PXDNL: variants seen among roughly 807,000 people sequenced by gnomAD.
The protein encoded by PXDNL is peroxidasin like.
A neutral mutation model predicts 150.8 loss-of-function variants in PXDNL; 145 were observed. The observed-to-expected ratio is 0.96, with a 90% confidence interval of 0.84 to 1.10. PXDNL has a LOEUF of 1.10. Among genes scored for constraint, PXDNL ranks in the 50% least tolerant of loss-of-function variants. PXDNL has a pLI of 0.00. For synonymous variants in PXDNL, 757 were observed against 725.7 expected, an observed-to-expected ratio of 1.04 and a Z score of -0.69; for missense variants, 2,087 against 1,873.9, an observed-to-expected ratio of 1.11 and a Z score of -2.10.
Position 51,695,414 on chromosome 8 carries a change from A to G in PXDNL, c.165-40654T>C, listed in dbSNP as rs138895576. 5.0e-3 allele frequency among the ~76,000 whole-genome samples: 758 copies of G among 152,266 alleles called. 3 individuals carry two copies. Among genetic ancestry groups the G allele is most frequent in the African/African-American group, 0.017 (711 of 41,566 alleles). Reference sequence around the variant, plus strand: ...GCACATATTAGGTTCCCATCTTATCATTATTATTACCAATTATATCAGGGA... The same window carrying G: ...GCACATATTAGGTTCCCATCTTATCGTTATTATTACCAATTATATCAGGGA... On this transcript the variant is annotated intron_variant, in intron 1 of 22. Coordinates refer to ENST00000356297, the MANE Select transcript of PXDNL (RefSeq NM_144651.5).
chr8:51,337,342 G>C (rs865787590), intron 21 of PXDNL, among the ~76,000 whole-genome samples: 1 of 152,200 alleles, frequency 6.6e-6, no homozygotes, highest in African/African-American at 2.4e-5. Flanking sequence ...TGAAAAAATA[G>C]TTTGTTGAGT....
At chr8:51,504,937 T>C (rs564251555) in intron 4 of PXDNL, among the ~76,000 whole-genome samples, 2 of 152,352 alleles carry the variant, frequency 1.3e-5, no homozygotes, top group East Asian at 1.9e-4. Context: ...TTACATTTCC[T>C]TGGGGAAGAA....
At position 51,483,646 on chromosome 8, in the gene PXDNL, CT is replaced by C; in HGVS notation, c.520del (p.Arg174AspfsTer15). The C allele has an allele frequency of 1.3e-6, 2 of 1,510,632 alleles. No individual in the cohort carries two copies. The highest frequency in any genetic ancestry group is 1.8e-6 in the Non-Finnish European group (2 of 1,113,864). The allele number at this position is 1,510,632 out of a possible 1,614,324, so 93.6% of individuals were successfully genotyped here. A position where few individuals can be genotyped will look rare whatever the true frequency, so the allele number is the denominator to read the frequency against. ...GSFSNLDSLK[R>X]LRLDSNALVC... ...TAATGCACTTGCTTTCACTTACAATCTTTTTAATGAATCCAGATTAGAAAAG... is the reference window on the plus strand; with the variant it reads ...TAATGCACTTGCTTTCACTTACAATCTTTTAATGAATCCAGATTAGAAAAG... On this transcript the variant is annotated frameshift_variant, in exon 6 of 23. Coordinates refer to ENST00000356297, the MANE Select transcript of PXDNL (RefSeq NM_144651.5). LOFTEE classifies it high-confidence loss of function.
chr8:51,465,153 A>G (rs1394168340), intron 8 of PXDNL, among the ~76,000 whole-genome samples: 3 of 152,182 alleles, frequency 2.0e-5, no homozygotes, highest in Non-Finnish European at 4.4e-5. Flanking sequence ...CAAAATCCTC[A>G]ACAAAATGCT....
intron 21 of PXDNL, among the ~76,000 whole-genome samples, chr8:51,332,133 T>C (rs978573110): frequency 1.3e-5 from 2 of 152,020 alleles, no homozygotes; most frequent in Non-Finnish European, 2.9e-5. Flanking sequence ...GAGAGACCCA[T>C]AGAGAGTTCA....
At chr8:51,798,821 C>A (rs1050587207) in intron 1 of PXDNL, among the ~76,000 whole-genome samples, 1 of 152,044 alleles carries the variant, frequency 6.6e-6, no homozygotes, top group African/African-American at 2.4e-5. Context: ...ACCCAGCAAT[C>A]CCATTACTGG....
rs767294627 is a variant in PXDNL at position 51,809,182 on chromosome 8, G to T, written c.163C>A (p.Leu55Ile). 6.2e-7 allele frequency: 1 copy of T among 1,613,642 alleles called. No individual in the cohort carries two copies. The highest frequency in any genetic ancestry group is 8.5e-7 in the Non-Finnish European group (1 of 1,179,786). ...TCTGGGGAATTTATGTGAACTTACA[G>T]AACTGTGGTCTGCTGTGGTACCTGA... The part of the protein sequence containing the change: ...IPQVPQQTTV[L>I]DLRFNRIREI... Residue 55 changes from leucine (L) to isoleucine (I), a missense_variant and splice_region_variant, in exon 1 of 23, where the codon CTA becomes ATA. Transcript: ENST00000356297.
chr8:51,587,953 T>C (rs910239025), intron 3 of PXDNL, among the ~76,000 whole-genome samples: 8 of 151,942 alleles, frequency 5.3e-5, no homozygotes, highest in Non-Finnish European at 7.4e-5. Context: ...ATTTAACAAA[T>C]AGATGAGAAA....
In PXDNL at chr8:51,634,773, C is replaced by T. The variant is rs187969815; in HGVS notation, c.236+19916G>A. 1.3e-3 allele frequency among the ~76,000 whole-genome samples: 200 copies of T among 152,038 alleles called. 2 individuals are homozygous for T. Among genetic ancestry groups the T allele is most frequent in the East Asian group, 5.6e-3 (29 of 5,178 alleles). On this transcript the variant is annotated intron_variant, in intron 2 of 22. Coordinates refer to ENST00000356297, the MANE Select transcript of PXDNL (RefSeq NM_144651.5). ...GGGATTGCACTCTTGATATGGCTCC[C>T]GGTTTGAACATTATTAGTGTATAGA...
At chr8:51,667,045 A>G (rs76807669) in intron 1 of PXDNL, among the ~76,000 whole-genome samples, 3,864 of 152,144 alleles carry the variant, frequency 0.025, 168 homozygotes, top group African/African-American at 0.088. Flanking sequence ...ACACTGCAGG[A>G]CATGTCATAC....
chr8:51,764,492 T>C (rs2037204321), intron 1 of PXDNL, among the ~76,000 whole-genome samples: 1 of 152,040 alleles, frequency 6.6e-6, no homozygotes, highest in Non-Finnish European at 1.5e-5. Flanking sequence ...CTATAAGTGT[T>C]GTTATGTTTT....
intron 1 of PXDNL, among the ~76,000 whole-genome samples, chr8:51,744,294 AAGAAAGAAAGAAAG>A (rs1162093834): frequency 1.4e-3 from 1 of 736 alleles, no homozygotes; most frequent in Non-Finnish European, 9.3e-3. Flanking sequence ...GGAAAGAAGG[AAGAAAGAAAGAAAG>A]AGAAAGAAAG....
intron 1 of PXDNL, among the ~76,000 whole-genome samples, chr8:51,757,423 T>A (rs181623825): frequency 3.4e-4 from 52 of 152,346 alleles, no homozygotes; most frequent in Admixed American, 2.4e-3. Context: ...GCGTTCCTTG[T>A]CTATCAGCTG....
intron 2 of PXDNL, among the ~76,000 whole-genome samples, chr8:51,632,413 C>A (rs540603841): frequency 3.9e-5 from 6 of 152,018 alleles, no homozygotes; most frequent in Non-Finnish European, 8.8e-5. Context: ...CTACCCTGGT[C>A]AACATGGCAA....
rs1815116631 is a variant in PXDNL, at chr8:51,654,759, C to A, written c.166G>T (p.Asp56Tyr). 4 of 1,612,220 alleles carry A rather than the reference C, an allele frequency of 2.5e-6. No homozygotes were observed. The African/African-American group carries it at 5.3e-5, about 22-fold the overall frequency. Residue 56 changes from aspartate to tyrosine, a missense_variant and splice_region_variant, in exon 2 of 23, where the codon GAC becomes TAC. Transcript: ENST00000356297. ...PQVPQQTTVL[D>Y]LRFNRIREIP... The stretch of plus-strand genomic sequence containing the variant: ...TCTCTTATTCTGTTAAACCTCAAGT[C>A]TCTGGGAACATAAAAAGGTGAAGAA...
intron 3 of PXDNL, among the ~76,000 whole-genome samples, chr8:51,578,635 G>T (rs944142079): frequency 6.6e-6 from 1 of 151,662 alleles, no homozygotes; most frequent in Non-Finnish European, 1.5e-5. Flanking sequence ...ATGTTTTAAT[G>T]GAAAGGCAAA....
intron 1 of PXDNL, among the ~76,000 whole-genome samples, chr8:51,732,195 A>G (rs1816947329): frequency 6.6e-6 from 1 of 152,206 alleles, no homozygotes; most frequent in African/African-American, 2.4e-5. Flanking sequence ...AGGACCCAAG[A>G]GCACTTTGCT....
chr8:51,550,069 C>G (rs1448495238), intron 4 of PXDNL, among the ~76,000 whole-genome samples: 1 of 152,072 alleles, frequency 6.6e-6, no homozygotes, highest in Non-Finnish European at 1.5e-5. Context: ...TGTGCATAGA[C>G]TAGAAAACCT....
intron 1 of PXDNL, among the ~76,000 whole-genome samples, chr8:51,679,768 C>T (rs1408487606): frequency 1.3e-5 from 2 of 152,138 alleles, no homozygotes; most frequent in African/African-American, 4.8e-5. Context: ...ATGTCCTTAC[C>T]TTGCACAGAA....
Sources: gnomAD v4.1 joint callset for allele counts (sites outside exome capture counted in the v4.1 genomes callset) on GRCh38, gnomAD v4.1.1 for gene constraint, MANE v1.5 for transcripts, NCBI Gene and HGNC (gene_info 2026-07-23, HGNC 2026-07-21) for gene names.